Variants in ARHGAP45 observed in about 807,000 individuals in gnomAD.
ARHGAP45 encodes rho GTPase-activating protein 45.
A neutral mutation model predicts 116.1 loss-of-function variants in ARHGAP45; 56 were observed. That is an observed-to-expected ratio of 0.48 (90% CI 0.39 to 0.60). The LOEUF (loss-of-function observed/expected upper bound fraction) is 0.60, where lower values mean the gene tolerates loss of function less well. Ranked by LOEUF, ARHGAP45 falls within the 20% of genes least tolerant of loss-of-function variation. The pLI, the probability that ARHGAP45 is intolerant of heterozygous loss-of-function variation, is 0.00. For synonymous variants in ARHGAP45, 866 were observed against 701.7 expected (o/e 1.23, Z -3.70); for missense variants, 1,622 against 1,601.0 (o/e 1.01, Z -0.22).
In ARHGAP45 at chr19:1,085,724, A is replaced by C. The variant is rs758210602; in HGVS notation, c.3129A>C (p.Ser1043=). ...AGGAGGCCTCCGAGCTGCTGTCCTC[A>C]TCGGAGGCCAGTGCCCTGGGCCACC... is the stretch of plus-strand genomic sequence containing the variant. ...DLEEASELLS[S]SEASALGHLS... is the part of the protein sequence containing the mutation. Residue 1043 remains serine (S), a synonymous_variant, in exon 23 of 23, where the codon TCA becomes TCC. Coordinates refer to ENST00000313093, the MANE Select transcript of ARHGAP45 (RefSeq NM_012292.5). 8.1e-6 allele frequency: 13 copies of C among 1,610,598 alleles called. No individual in the cohort carries two copies. Among genetic ancestry groups the C allele is most frequent in the Non-Finnish European group, 1.1e-5 (13 of 1,178,944 alleles).
At chr19:1,085,412 A>AC (rs2065627066) in intron 22 of ARHGAP45, among the ~76,000 whole-genome samples, 1 of 151,310 alleles carries the variant, frequency 6.6e-6, no homozygotes, top group South Asian at 2.1e-4. Context: ...ACAGAGCCAG[A>AC]CCCTATCAAC....
Position 1,084,331 on chromosome 19 carries a change from G to C in ARHGAP45, c.3049G>C (p.Ala1017Pro). Residue 1017 changes from alanine (A) to proline (P), a missense_variant, in exon 22 of 23, where the codon GCG becomes CCG. Ala to Pro is a conservative substitution (Grantham distance 27). Transcript: ENST00000313093. ...AVVYPLQEAA[A>P]DGCRESRVVS... Reference sequence around the variant, plus strand: ...GGTCTACCCGCTGCAGGAGGCGGCGGCGGACGGGTGCAGAGGTGAGTGTGT... The same window carrying C: ...GGTCTACCCGCTGCAGGAGGCGGCGCCGGACGGGTGCAGAGGTGAGTGTGT... The C allele has an allele frequency of 1.9e-6, 3 of 1,610,198 alleles. No homozygotes were observed. Among genetic ancestry groups the C allele is most frequent in the Non-Finnish European group, 1.7e-6 (2 of 1,178,556 alleles).
At chr19:1,084,078 T>C (rs770744981) in intron 21 of ARHGAP45, among the ~76,000 whole-genome samples, 160 bp from the exon 22 acceptor site, 3 of 152,152 alleles carry the variant, frequency 2.0e-5, no homozygotes, top group Non-Finnish European at 4.4e-5. Context: ...CCTGGGTGTT[T>C]AGGGGCTGCG....
chr19:1,083,106 G>A, intron 20 of ARHGAP45, 37 bp from the exon 21 acceptor site: 1 of 1,575,042 alleles, frequency 6.3e-7, no homozygotes, highest in Non-Finnish European at 8.6e-7. Context: ...CGGGGTCCCG[G>A]GAGCCGCTCA....
At chr19:1,076,483 CTT>C (rs71174343) in intron 10 of ARHGAP45, among the ~76,000 whole-genome samples, 63 of 64,960 alleles carry the variant, frequency 9.7e-4, no homozygotes, top group East Asian at 6.4e-3. Context: ...TGGCAGTAGT[CTT>C]TTTTTTTTTT....
chr19:1,077,088 G>A (rs1599760503), intron 10 of ARHGAP45: 1 of 985,344 alleles, frequency 1.0e-6, no homozygotes, highest in Non-Finnish European at 1.2e-6. Context: ...TGCAGGTTGT[G>A]AGGTGTGGCC....
rs767877136 is a variant in ARHGAP45, at chr19:1,080,703, G to A, written c.1934G>A (p.Arg645Gln). 5.0e-6 allele frequency: 8 copies of A among 1,613,534 alleles called. No homozygotes were observed. Among genetic ancestry groups the A allele is most frequent in the South Asian group, 1.1e-5 (1 of 91,084 alleles). ...PGAGDFKKFE[R>Q]TSSSGTMSST... ...CCAGGGGACTTTAAGAAGTTCGAGC[G>A]GACGTCATCCAGTGGTACCATGTCG... Residue 645 changes from arginine to glutamine, a missense_variant, in exon 16 of 23, where the codon CGG becomes CAG. Physicochemically the swap from Arg to Gln is conservative, Grantham distance 43. This residue lies in a region of ARHGAP45 where 1,334 missense variants were observed against 1,263.8 expected (regional missense o/e 1.06). Coordinates refer to ENST00000313093, the MANE Select transcript of ARHGAP45 (RefSeq NM_012292.5).
At chr19:1,066,313 C>G (rs1012381765), upstream of ARHGAP45, 1 of 757,348 alleles carries the variant, frequency 1.3e-6, no homozygotes, top group Non-Finnish European at 2.1e-6. Context: ...AGGCTGGGAT[C>G]TGTATGCCTG....
At position 1,071,567 on chromosome 19, in the gene ARHGAP45, C is replaced by A; in HGVS notation, c.422-1582C>A. The A allele has an allele frequency of 5.0e-6, 1 of 201,300 alleles. No individual in the cohort carries two copies. Among genetic ancestry groups the A allele is most frequent in the Non-Finnish European group, 8.9e-6 (1 of 112,310 alleles). 12.5% of individuals were successfully genotyped at this position (201,300 alleles called of 1,614,324 possible). ...CGGGGACAGCCGGGGGTCCGTGCGC[C>A]GGCCGCGCGCGGAGTGCCGGGTGCC... On this transcript the variant is annotated intron_variant, in intron 2 of 22. Coordinates refer to ENST00000313093, the MANE Select transcript of ARHGAP45 (RefSeq NM_012292.5). The surrounding 1 kb of genome is among the most constrained non-coding windows in gnomAD (Gnocchi z 4.6).
chr19:1,085,060 C>T (rs2043564707), intron 22 of ARHGAP45, among the ~76,000 whole-genome samples: 2 of 152,094 alleles, frequency 1.3e-5, no homozygotes, highest in African/African-American at 4.8e-5. Context: ...CCAGCCCGGG[C>T]AAGAGAGAGA....
At chr19:1,077,588 G>C (rs188048826) in intron 10 of ARHGAP45, 1 of 1,275,772 alleles carries the variant, frequency 7.8e-7, no homozygotes, top group Admixed American at 3.0e-5. Flanking sequence ...GTTTCACTAT[G>C]TTGGCCAGGC....
At chr19:1,085,449 G>C (rs992929721) in intron 22 of ARHGAP45, among the ~76,000 whole-genome samples, 50 of 151,274 alleles carry the variant, frequency 3.3e-4, no homozygotes, top group African/African-American at 1.1e-3. Flanking sequence ...TTCTCCCCTT[G>C]TCTCTCTCTC....
chr19:1,083,227 C>A lies in ARHGAP45; in HGVS notation c.2829C>A (p.Pro943=). The A allele has an allele frequency of 6.2e-7, 1 of 1,607,794 alleles. No homozygotes were observed. The highest frequency in any genetic ancestry group is 2.2e-5 in the East Asian group (1 of 44,660). The change falls in exon 21 of 23, where the codon CCC becomes CCA. Residue 943 remains proline (P), a synonymous_variant. Transcript: ENST00000313093. ...VFGPTLLRPR[P]TEATVSLSSL... The stretch of plus-strand genomic sequence containing the variant: ...GGCCCACGCTGCTTCGGCCACGGCC[C>A]ACCGAGGCCACCGTGTCCCTCTCCT...
At position 1,085,929 on chromosome 19, in the gene ARHGAP45, C is replaced by T. The variant is rs1239714628; in HGVS notation, c.3334C>T (p.Pro1112Ser). ...CCAGTCCAACAACGTGCTGCAGGCC[C>T]CACTGCCCCCCATGAGGCTCCGTGG... The part of the protein sequence containing the change: ...TNQSNNVLQA[P>S]LPPMRLRGGR... The change falls in exon 23 of 23, where the codon CCA becomes TCA. Residue 1112 changes from proline (P) to serine (S), a missense_variant. Physicochemically the swap from Pro to Ser is moderately conservative, Grantham distance 74 (BLOSUM62 -1). Transcript: ENST00000313093. 11 of 1,612,858 alleles carry T rather than the reference C, an allele frequency of 6.8e-6. No homozygotes were observed. In the South Asian group the frequency reaches 1.1e-4, roughly 16 times the overall value.
rs934362035 is a variant in ARHGAP45 at position 1,067,586 on chromosome 19, G to T, written c.90+91G>T. 26 of 1,251,524 alleles carry T rather than the reference G, an allele frequency of 2.1e-5. No individual in the cohort carries two copies. In the Admixed American group the frequency reaches 3.2e-4, roughly 15 times the overall value. The allele number at this position is 1,251,524 out of a possible 1,614,324, so 77.5% of individuals were successfully genotyped here. ...TGCTCGGGGCTCATGCTGGGGCGGC[G>T]GCTGGGGGCTCGTGCCAGCTACAGC... On this transcript the variant is annotated intron_variant, in intron 1 of 22. Transcript: ENST00000313093.
chr19:1,068,744 G>C lies in ARHGAP45; in HGVS notation c.421G>C (p.Asp141His). Reference protein sequence around the residue: ...EKLKECVLRDDLLEARRPRAH... With the variant: ...EKLKECVLRDHLLEARRPRAH... Reference sequence around the variant, plus strand: ...ACTTAAGGAGTGTGTGTTGCGTGACGGTGAGAGCCACGGGGACACCGAGGC... The same window carrying C: ...ACTTAAGGAGTGTGTGTTGCGTGACCGTGAGAGCCACGGGGACACCGAGGC... Residue 141 changes from aspartate to histidine, a missense_variant and splice_region_variant, in exon 2 of 23, where the codon GAC (aspartate) becomes CAC (histidine). Asp to His is a moderately conservative substitution (Grantham distance 81). Transcript: ENST00000313093. This position sits in a 1 kb window ranked among gnomAD's most constrained non-coding sequence, Gnocchi z 7.5. The C allele has an allele frequency of 6.2e-7, 1 of 1,610,556 alleles. No individual in the cohort carries two copies. Among genetic ancestry groups the C allele is most frequent in the Non-Finnish European group, 8.5e-7 (1 of 1,178,394 alleles).
At chr19:1,082,753 G>A in intron 19 of ARHGAP45, 87 bp from the exon 20 acceptor site, 1 of 1,168,948 alleles carries the variant, frequency 8.6e-7, no homozygotes, top group Non-Finnish European at 1.2e-6. Context: ...TGCTCTGTGG[G>A]GGTGGGGCTG....
At chr19:1,078,458 GAC>G (rs1568469280) in intron 11 of ARHGAP45, among the ~76,000 whole-genome samples, 1 of 136,258 alleles carries the variant, frequency 7.3e-6, no homozygotes, top group Non-Finnish European at 1.6e-5. Context: ...GTTTTTTGGA[GAC>G]AGAGTCTCAT....
Position 1,067,244 on chromosome 19 carries a change from G to GC in ARHGAP45, c.-162_-161insC. ...CGCCGCCTCCCCGAAGCCTTTTCCT[G>GC]TTGGGGGGAGGGCCCGCCAGTGACG... On this transcript the variant is annotated 5_prime_UTR_variant, in exon 1 of 23. Coordinates refer to ENST00000313093, the MANE Select transcript of ARHGAP45 (RefSeq NM_012292.5). 7.5e-7 allele frequency: 1 copy of GC among 1,333,848 alleles called. No individual in the cohort carries two copies. The highest frequency in any genetic ancestry group is 4.4e-5 in the Admixed American group (1 of 22,738). The allele number at this position is 1,333,848 out of a possible 1,614,324, so 82.6% of individuals were successfully genotyped here.
Sources: gnomAD v4.1 joint callset for allele counts (sites outside exome capture counted in the v4.1 genomes callset) on GRCh38, gnomAD v4.1.1 for gene constraint, gnomAD v4.1.1 regional missense constraint, Gnocchi (gnomAD v3.1) non-coding constraint, MANE v1.5 for transcripts, NCBI Gene and HGNC (gene_info 2026-07-23, HGNC 2026-07-21) for gene names.